The following ANO5 variants were observed in gnomAD, a reference collection of about 807,000 sequenced individuals.
ANO5 encodes the protein anoctamin-5.
A neutral mutation model predicts 121.0 loss-of-function variants in ANO5; 109 were observed. The ratio of observed to expected loss-of-function variants is 0.90; its 90% CI spans 0.77 to 1.06. ANO5 has a LOEUF of 1.06. ANO5 is among the 50% of genes least tolerant of loss of function. ANO5 has a pLI of 0.00. For missense variants in ANO5, 1,064 were observed against 1,078.5 expected, an observed-to-expected ratio of 0.99 and a Z score of 0.19; for synonymous variants, 406 against 359.9, an observed-to-expected ratio of 1.13 and a Z score of -1.45.
At position 22,282,570 on chromosome 11, in the gene ANO5, T is replaced by C. The variant is rs1286944937; in HGVS notation, c.*2805T>C. On this transcript the variant is annotated 3_prime_UTR_variant, in exon 22 of 22. Transcript: ENST00000324559. ...AACAGTTATTTCCTTATGAATCCTG[T>C]GTGTTTCTTTGGAAGAAAGAGCTGT... The C allele has an allele frequency of 6.6e-6, 1 of 152,160 alleles. No individual in the cohort carries two copies. The highest frequency in any genetic ancestry group is 1.5e-5 in the Non-Finnish European group (1 of 68,006). 9.4% of individuals were successfully genotyped at this position (152,160 alleles called of 1,614,324 possible). A position where few individuals can be genotyped will look rare whatever the true frequency, so the allele number is the denominator to read the frequency against.
intron 8 of ANO5, among the ~76,000 whole-genome samples, chr11:22,237,833 G>A (rs181164030): frequency 6.6e-6 from 1 of 151,654 alleles, no homozygotes; most frequent in South Asian, 2.1e-4. Flanking sequence ...ATCCACTGAG[G>A]GTTGGTTCCA....
rs752796339 is a variant in ANO5 at position 22,250,724 on chromosome 11, T to C, written c.1014-17T>C. The C allele has an allele frequency of 1.2e-6, 2 of 1,610,196 alleles. No homozygotes were observed. Among genetic ancestry groups the C allele is most frequent in the East Asian group, 2.2e-5 (1 of 44,822 alleles). On this transcript the variant is annotated splice_polypyrimidine_tract_variant and intron_variant, in intron 10 of 21. Transcript: ENST00000324559. ...AACACCTATCACTGTTCAATAACTT[T>C]GCTGTTCCTCTTGCAGCACTGAAAT...
intron 1 of ANO5, among the ~76,000 whole-genome samples, chr11:22,202,019 A>C (rs548070472): frequency 6.6e-6 from 1 of 152,102 alleles, no homozygotes; most frequent in Non-Finnish European, 1.5e-5. Context: ...GGCCAGACTT[A>C]AGAGCGTGAA....
At chr11:22,277,037 A>G (rs1329089138) in intron 21 of ANO5, among the ~76,000 whole-genome samples, 2 of 151,464 alleles carry the variant, frequency 1.3e-5, no homozygotes, top group African/African-American at 4.9e-5. Context: ...AAATCCTAAT[A>G]TCCAAAGTAA....
At chr11:22,235,438 A>G (rs1442783785) in intron 7 of ANO5, among the ~76,000 whole-genome samples, 1 of 152,146 alleles carries the variant, frequency 6.6e-6, no homozygotes, top group Non-Finnish European at 1.5e-5. Flanking sequence ...TGATGATTCA[A>G]GAACTACAAC....
chr11:22,206,579 G>T (rs1421542893), intron 2 of ANO5, among the ~76,000 whole-genome samples: 3 of 152,052 alleles, frequency 2.0e-5, no homozygotes, highest in Non-Finnish European at 4.4e-5. Flanking sequence ...CTCCCTAGGT[G>T]CTGAGATTAC....
chr11:22,200,018 A>G (rs1427461023), intron 1 of ANO5, among the ~76,000 whole-genome samples: 1 of 152,128 alleles, frequency 6.6e-6, no homozygotes, highest in East Asian at 1.9e-4. Context: ...GTTTTGTAAC[A>G]TCATGTATTG....
intron 6 of ANO5, among the ~76,000 whole-genome samples, chr11:22,226,941 G>T (rs1290920763): frequency 6.6e-6 from 1 of 152,070 alleles, no homozygotes; most frequent in Non-Finnish European, 1.5e-5. Flanking sequence ...TGAGCTTATA[G>T]CTAGTTACTA....
rs1855084625 is a variant in ANO5, at chr11:22,281,656, AG to A, written c.*1892del. 2.8e-5 allele frequency: 1 copy of A among 35,546 alleles called. No homozygotes were observed. Among genetic ancestry groups the A allele is most frequent in the Admixed American group, 3.4e-4 (1 of 2,926 alleles). The allele number at this position is 35,546 out of a possible 1,614,324, so 2.2% of individuals were successfully genotyped here. A position where few individuals can be genotyped will look rare whatever the true frequency, so the allele number is the denominator to read the frequency against. ...TCCTTCCTGGGTGCTGATAAAAATA[AG>A]AAAGAGCATGGAAATTGGTTTCTTG... On this transcript the variant is annotated 3_prime_UTR_variant, in exon 22 of 22. Transcript: ENST00000324559.
chr11:22,262,498 T>C (rs1854222814), intron 16 of ANO5, among the ~76,000 whole-genome samples, 200 bp downstream of exon 16: 1 of 152,212 alleles, frequency 6.6e-6, no homozygotes. Context: ...AGAAGTTACA[T>C]TATGCCTATG....
rs1365814169 is a variant in ANO5 at position 22,193,552 on chromosome 11, C to T, written c.40+20C>T. ...AGGAAGGTAGGACCGCGCCAAGAGG[C>T]GTCAAGGGAGAGCCAGGCTGGCTGC... On this transcript the variant is annotated intron_variant, in intron 1 of 21. Transcript: ENST00000324559. 6.2e-7 allele frequency: 1 copy of T among 1,610,812 alleles called. No individual in the cohort carries two copies. Among genetic ancestry groups the T allele is most frequent in the Non-Finnish European group, 8.5e-7 (1 of 1,179,066 alleles).
At chr11:22,203,184 A>C (rs1165606584) in intron 1 of ANO5, among the ~76,000 whole-genome samples, 2 of 152,152 alleles carry the variant, frequency 1.3e-5, no homozygotes, top group Non-Finnish European at 2.9e-5. Context: ...AATATATAGG[A>C]AGTTTTTGAC....
chr11:22,250,639 T>C (rs535597620), intron 10 of ANO5, 102 bp from the exon 11 acceptor site: 1 of 1,226,796 alleles, frequency 8.2e-7, no homozygotes, highest in Admixed American at 1.8e-5. Flanking sequence ...GCCCCTTCTG[T>C]TATATGTGAG....
intron 5 of ANO5, among the ~76,000 whole-genome samples, chr11:22,222,888 G>A (rs10766924): frequency 0.69 from 104,942 of 151,776 alleles, 37,822 homozygotes; most frequent in Non-Finnish European, 0.81. Context: ...TTAGATGACT[G>A]TTTTATAATG....
chr11:22,227,342 C>T lies in ANO5; in HGVS notation c.404C>T (p.Ala135Val), dbSNP rs1295527746. The part of the protein sequence containing the change: ...DGRTYFVKIH[A>V]PWEVLVTYAE... ...AGAACTTATTTTGTCAAGATCCATG[C>T]CCCTTGGGAGGTATTAGTTACCTAT... Residue 135 changes from alanine to valine, a missense_variant, in exon 7 of 22, where the codon GCC becomes GTC. Ala to Val is a moderately conservative substitution (Grantham distance 64). Coordinates refer to ENST00000324559, the MANE Select transcript of ANO5 (RefSeq NM_213599.3). The T allele has an allele frequency of 2.5e-6, 4 of 1,613,176 alleles. No individual in the cohort carries two copies. Among genetic ancestry groups the T allele is most frequent in the Middle Eastern group, 1.6e-4 (1 of 6,064 alleles).
intron 15 of ANO5, 53 bp downstream of exon 15, chr11:22,259,794 T>C: frequency 6.6e-7 from 1 of 1,512,394 alleles, no homozygotes; most frequent in Non-Finnish European, 9.1e-7. Flanking sequence ...TTATTGATGC[T>C]ATATGTCTAT....
chr11:22,196,767 A>G (rs4922978), intron 1 of ANO5, among the ~76,000 whole-genome samples: 125,692 of 152,194 alleles, frequency 0.83, 52,411 homozygotes, highest in African/African-American at 0.93. Context: ...TACTCGGGAG[A>G]CTGAAGTGGG....
intron 13 of ANO5, among the ~76,000 whole-genome samples, chr11:22,256,871 C>T (rs576030370): frequency 6.6e-6 from 1 of 152,250 alleles, no homozygotes; most frequent in African/African-American, 2.4e-5. Flanking sequence ...CATGAACACG[C>T]ATACATTGGG....
chr11:22,231,216 A>G (rs1293801805), intron 7 of ANO5, among the ~76,000 whole-genome samples: 1 of 152,044 alleles, frequency 6.6e-6, no homozygotes, highest in Non-Finnish European at 1.5e-5. Flanking sequence ...CTCAATGCCC[A>G]GTATATAACA....
Sources: allele counts gnomAD v4.1 joint callset (sites outside exome capture counted in the v4.1 genomes callset), GRCh38; gene constraint gnomAD v4.1.1; transcripts MANE v1.5; gene names NCBI Gene and HGNC (gene_info 2026-07-23, HGNC 2026-07-21).